CHCHD3: variants seen among roughly 807,000 people sequenced by gnomAD.
CHCHD3 encodes the protein MICOS complex subunit MIC19.
In CHCHD3, 20 loss-of-function variants were observed where a neutral mutation model predicts 38.2. The observed-to-expected ratio is 0.52, with a 90% CI of 0.37 to 0.76. CHCHD3 has a LOEUF of 0.76. CHCHD3 is among the 30% of genes least tolerant of loss of function. The pLI is 0.00. For missense variants in CHCHD3, 245 were observed against 279.2 expected (o/e 0.88, Z 0.87); for synonymous variants, 82 against 100.0 (o/e 0.82, Z 1.07).
At chr7:132,825,769 C>T (rs1476501757) in intron 6 of CHCHD3, among the ~76,000 whole-genome samples, 1 of 152,192 alleles carries the variant, frequency 6.6e-6, no homozygotes, top group Admixed American at 6.5e-5. Flanking sequence ...AAGAGCTCTG[C>T]TTGGGAAACA....
chr7:132,883,499 G>C (rs1277915251), intron 5 of CHCHD3, among the ~76,000 whole-genome samples: 1 of 152,094 alleles, frequency 6.6e-6, no homozygotes, highest in Non-Finnish European at 1.5e-5. Flanking sequence ...CTACAACGAG[G>C]GAGCCAAATC....
intron 3 of CHCHD3, among the ~76,000 whole-genome samples, chr7:133,011,616 G>C (rs1311923654): frequency 1.3e-5 from 2 of 152,174 alleles, no homozygotes; most frequent in East Asian, 1.9e-4. Flanking sequence ...ATGGGGAAGG[G>C]AGCAAAATCT....
At chr7:132,998,639 G>A (rs1812487656) in intron 3 of CHCHD3, among the ~76,000 whole-genome samples, 1 of 152,152 alleles carries the variant, frequency 6.6e-6, no homozygotes, top group Non-Finnish European at 1.5e-5. Context: ...AGTGCATTTA[G>A]GAATCAACTC....
chr7:133,068,671 T>C (rs113025436), intron 2 of CHCHD3, among the ~76,000 whole-genome samples: 1,661 of 152,274 alleles, frequency 0.011, 27 homozygotes, highest in African/African-American at 0.038. Context: ...ATTGGAGATA[T>C]AGCAGAGGAG....
At chr7:133,023,883 C>G (rs1584651379) in intron 3 of CHCHD3, among the ~76,000 whole-genome samples, 1 of 151,948 alleles carries the variant, frequency 6.6e-6, no homozygotes, top group Non-Finnish European at 1.5e-5. Flanking sequence ...CGAGGATGGT[C>G]GGTTTGGATT....
chr7:132,803,861 G>A (rs1226723217), intron 6 of CHCHD3, among the ~76,000 whole-genome samples: 2 of 144,172 alleles, frequency 1.4e-5, no homozygotes, highest in Non-Finnish European at 3.0e-5. Flanking sequence ...AAAAAACAGA[G>A]GGATTGGCTG....
At chr7:133,045,435 A>C (rs985586113) in intron 2 of CHCHD3, among the ~76,000 whole-genome samples, 1 of 152,190 alleles carries the variant, frequency 6.6e-6, no homozygotes, top group Non-Finnish European at 1.5e-5. Context: ...GAAACTCTCT[A>C]TGACAGTCAC....
chr7:132,887,391 AAAGAG>A (rs1809244220), intron 4 of CHCHD3, among the ~76,000 whole-genome samples: 1 of 151,826 alleles, frequency 6.6e-6, no homozygotes, highest in Non-Finnish European at 1.5e-5. Context: ...TACATAATCT[AAAGAG>A]AAAAGACCTC....
At position 132,996,077 on chromosome 7, in the gene CHCHD3, T is replaced by TA. The variant is rs530351613; in HGVS notation, c.252-20792dup. ...TGGAATGTGTATTCTAGATTTATGG[T>TA]AAAAAAACCAAATAGCTAGTCACTA... is the stretch of plus-strand genomic sequence containing the variant. On this transcript the variant is annotated intron_variant, in intron 3 of 7. Transcript: ENST00000262570. 9.1e-4 allele frequency among the ~76,000 whole-genome samples: 139 copies of TA among 152,250 alleles called. No homozygotes were observed. In the Middle Eastern group the frequency reaches 0.027, roughly 30 times the overall value.
chr7:132,785,486 A>T lies in CHCHD3; in HGVS notation c.*151T>A, dbSNP rs1806289883. The T allele has an allele frequency of 1.3e-6, 1 of 764,898 alleles. No individual in the cohort carries two copies. The highest frequency in any genetic ancestry group is 1.7e-5 in the South Asian group (1 of 58,388). The allele number at this position is 764,898 out of a possible 1,614,324, so 47.4% of individuals were successfully genotyped here. On this transcript the variant is annotated 3_prime_UTR_variant, in exon 8 of 8. Transcript: ENST00000262570. ...TCAAACTGCTGCTGTTCAAAACGTG[A>T]AATGATTCTGCTGAATCCATTCTTG...
At chr7:132,795,334 T>G (rs1806579448) in intron 7 of CHCHD3, among the ~76,000 whole-genome samples, 1 of 152,138 alleles carries the variant, frequency 6.6e-6, no homozygotes, top group Non-Finnish European at 1.5e-5. Flanking sequence ...AACTTAACAT[T>G]AGCAACATTA....
chr7:132,914,121 G>GGTGTGTGTGTGTGT lies in CHCHD3; in HGVS notation c.370-28377_370-28376insACACACACACACAC, dbSNP rs1234351482. Among the ~76,000 whole-genome samples the GGTGTGTGTGTGTGT allele has an allele frequency of 8.6e-4, 98 of 114,008 alleles. 1 individual carries two copies. Among genetic ancestry groups the GGTGTGTGTGTGTGT allele is most frequent in the African/African-American group, 3.4e-3 (97 of 28,296 alleles). The allele number at this position is 114,008 out of a possible 152,430, so 74.8% of individuals were successfully genotyped here. The stretch of plus-strand genomic sequence containing the variant: ...ATTACAGATGCCCACCACCATGCCT[G>GGTGTGTGTGTGTGT]GCGTGTGTGTGTGTGTGTGTGTGTG... On this transcript the variant is annotated intron_variant, in intron 4 of 7. Transcript: ENST00000262570.
intron 5 of CHCHD3, among the ~76,000 whole-genome samples, chr7:132,842,132 T>C (rs779652808): frequency 1.3e-5 from 2 of 151,996 alleles, no homozygotes; most frequent in African/African-American, 4.8e-5. Context: ...TATTTTATAA[T>C]ACAGACAAAA....
intron 6 of CHCHD3, among the ~76,000 whole-genome samples, chr7:132,834,349 G>A (rs79844433): frequency 4.3e-4 from 66 of 152,208 alleles, no homozygotes; most frequent in Non-Finnish European, 8.5e-4. Context: ...GCTCAGCCTA[G>A]CAGGAAGTAG....
In CHCHD3 at chr7:132,960,523, C is replaced by T. The variant is rs564261085; in HGVS notation, c.369+14646G>A. ...TAATAATCAGTTTGAAGCACCAATACATTCTTCTATCACCTGTGCATGACA... is the reference window on the plus strand; with the variant it reads ...TAATAATCAGTTTGAAGCACCAATATATTCTTCTATCACCTGTGCATGACA... On this transcript the variant is annotated intron_variant, in intron 4 of 7. Coordinates refer to ENST00000262570, the MANE Select transcript of CHCHD3 (RefSeq NM_017812.4). 1.8e-4 allele frequency among the ~76,000 whole-genome samples: 27 copies of T among 152,292 alleles called. No individual in the cohort carries two copies. The East Asian group carries it at 5.0e-3, about 28-fold the overall frequency.
At position 133,082,014 on chromosome 7, in the gene CHCHD3, G is replaced by A. The variant is rs1394283756; in HGVS notation, c.-77C>T. On this transcript the variant is annotated 5_prime_UTR_variant, in exon 1 of 8. Coordinates refer to ENST00000262570, the MANE Select transcript of CHCHD3 (RefSeq NM_017812.4). ...GGGGCCCCCGCACCCACACGCGCGT[G>A]GAAGGGCCTGGATTCTTTTCCCGCA... 7.0e-6 allele frequency: 9 copies of A among 1,288,748 alleles called. No homozygotes were observed. In the South Asian group the frequency reaches 1.0e-4, roughly 15 times the overall value. 79.8% of individuals were successfully genotyped at this position (1,288,748 alleles called of 1,614,324 possible).
At chr7:132,917,684 C>T (rs1562907463) in intron 4 of CHCHD3, among the ~76,000 whole-genome samples, 2 of 151,800 alleles carry the variant, frequency 1.3e-5, no homozygotes, top group Non-Finnish European at 2.9e-5. Context: ...CGGTGAAACC[C>T]CCGTCTCTAC....
chr7:132,954,675 T>G (rs6968495), intron 4 of CHCHD3, among the ~76,000 whole-genome samples: 144,438 of 152,128 alleles, frequency 0.95, 69,049 homozygotes, highest in East Asian at 1. Flanking sequence ...ATTCCTCAGA[T>G]GGTACAATTC....
intron 3 of CHCHD3, among the ~76,000 whole-genome samples, chr7:133,005,001 A>T (rs1812664416): frequency 6.6e-6 from 1 of 152,112 alleles, no homozygotes; most frequent in Non-Finnish European, 1.5e-5. Context: ...CATGGGTTCA[A>T]TGCAATTTCA....
Sources: gnomAD v4.1 joint callset for allele counts (sites outside exome capture counted in the v4.1 genomes callset) on GRCh38, gnomAD v4.1.1 for gene constraint, MANE v1.5 for transcripts, NCBI Gene and HGNC (gene_info 2026-07-23, HGNC 2026-07-21) for gene names.